Variants in PKNOX2 observed in about 807,000 individuals in gnomAD.
PKNOX2 encodes the protein PBX/knotted 1 homeobox 2.
A neutral mutation model predicts 53.1 loss-of-function variants in PKNOX2; 14 were observed. The observed-to-expected ratio is 0.26, with a 90% CI of 0.17 to 0.41. PKNOX2 has a LOEUF of 0.41. PKNOX2 is among the 10% of genes least tolerant of loss of function. PKNOX2 has a pLI of 1.00. For synonymous variants in PKNOX2, 257 were observed against 242.8 expected, an observed-to-expected ratio of 1.06 and a Z score of -0.54; for missense variants, 496 against 602.8, an observed-to-expected ratio of 0.82 and a Z score of 1.85.
At chr11:125,400,168 G>A (rs149344330) in intron 7 of PKNOX2, among the ~76,000 whole-genome samples, 5 of 152,244 alleles carry the variant, frequency 3.3e-5, no homozygotes, top group African/African-American at 1.2e-4. Flanking sequence ...TGGTGGGTGT[G>A]GGGGAGGGGG....
chr11:125,388,917 G>A (rs987675582), intron 6 of PKNOX2, among the ~76,000 whole-genome samples: 122 of 152,288 alleles, frequency 8.0e-4, no homozygotes, highest in African/African-American at 2.8e-3. Flanking sequence ...AGGGAGGGCC[G>A]GGAACCGTGG....
chr11:125,310,017 CAGA>C (rs1948710307), intron 2 of PKNOX2, among the ~76,000 whole-genome samples: 1 of 152,188 alleles, frequency 6.6e-6, no homozygotes, highest in Non-Finnish European at 1.5e-5. Flanking sequence ...TCATCCTACC[CAGA>C]AGGATATCAT....
At chr11:125,189,439 GTGTGTGTGTA>G (rs1565465113) in intron 1 of PKNOX2, among the ~76,000 whole-genome samples, 34 of 56,754 alleles carry the variant, frequency 6.0e-4, no homozygotes, top group East Asian at 2.2e-3. Flanking sequence ...GTGTGTGTGT[GTGTGTGTGTA>G]TATATATATA....
intron 4 of PKNOX2, among the ~76,000 whole-genome samples, chr11:125,358,903 A>G (rs1394388671): frequency 2.0e-5 from 3 of 152,244 alleles, no homozygotes; most frequent in African/African-American, 7.2e-5. Context: ...GAGACAGGCA[A>G]AGGGCCTGGT....
chr11:125,232,863 G>T (rs1295557229), intron 1 of PKNOX2, among the ~76,000 whole-genome samples: 1 of 149,784 alleles, frequency 6.7e-6, no homozygotes, highest in Admixed American at 6.6e-5. Flanking sequence ...TCCCATTATG[G>T]TTTTTTGTTT....
intron 2 of PKNOX2, among the ~76,000 whole-genome samples, chr11:125,293,053 T>C (rs1395857680): frequency 6.6e-6 from 1 of 152,116 alleles, no homozygotes; most frequent in African/African-American, 2.4e-5. Flanking sequence ...TGTGCTGCCA[T>C]TTATGTCAAA....
chr11:125,349,921 C>T (rs1235869718), intron 3 of PKNOX2, among the ~76,000 whole-genome samples: 3 of 151,816 alleles, frequency 2.0e-5, no homozygotes, highest in African/African-American at 7.3e-5. Flanking sequence ...CTCCAAAGCA[C>T]TCTCAAATTC....
At chr11:125,205,281 A>C (rs1374616398) in intron 1 of PKNOX2, among the ~76,000 whole-genome samples, 1 of 152,020 alleles carries the variant, frequency 6.6e-6, no homozygotes, top group African/African-American at 2.4e-5. Flanking sequence ...TTGGGTGTGG[A>C]GTCCCTTCCG....
At chr11:125,313,186 A>T (rs1948936660) in intron 2 of PKNOX2, among the ~76,000 whole-genome samples, 1 of 152,202 alleles carries the variant, frequency 6.6e-6, no homozygotes. Context: ...GGGCACCCCC[A>T]GGTTTGTTTC....
At chr11:125,428,893 G>T (rs1328247707) in intron 10 of PKNOX2, 119 bp from the exon 11 acceptor site, 2 of 999,042 alleles carry the variant, frequency 2.0e-6, no homozygotes, top group Non-Finnish European at 3.1e-6. Flanking sequence ...CCCCAATTTT[G>T]GTTCCCAAAC....
At chr11:125,263,633 G>A (rs953414922) in intron 2 of PKNOX2, among the ~76,000 whole-genome samples, 1 of 152,242 alleles carries the variant, frequency 6.6e-6, no homozygotes, top group Admixed American at 6.5e-5. Flanking sequence ...AGCGCGGGAG[G>A]GGGAGAGCTG....
In PKNOX2 at chr11:125,240,119, C is replaced by T. The variant is rs1943031266; in HGVS notation, c.-130+5004C>T. On this transcript the variant is annotated intron_variant, in intron 2 of 12. Coordinates refer to ENST00000298282, the MANE Select transcript of PKNOX2 (RefSeq NM_001382323.2). This position sits in a 1 kb window ranked among gnomAD's most constrained non-coding sequence, Gnocchi z 4.3. Reference sequence around the variant, plus strand: ...AGGCCGATTGATGAGATGCCGAGGTCTGCAGCCCCAACTGGAGGCGCCCCG... The same window carrying T: ...AGGCCGATTGATGAGATGCCGAGGTTTGCAGCCCCAACTGGAGGCGCCCCG... 1.3e-5 allele frequency: 2 copies of T among 152,190 alleles called. No homozygotes were observed. The highest frequency in any genetic ancestry group is 2.4e-5 in the African/African-American group (1 of 41,430). The allele number at this position is 152,190 out of a possible 1,614,324, so 9.4% of individuals were successfully genotyped here. A position where few individuals can be genotyped will look rare whatever the true frequency, so the allele number is the denominator to read the frequency against.
chr11:125,176,164 C>T (rs1042324858), intron 1 of PKNOX2, among the ~76,000 whole-genome samples: 1 of 152,146 alleles, frequency 6.6e-6, no homozygotes, highest in Non-Finnish European at 1.5e-5. Flanking sequence ...ATTGGGGCCT[C>T]CAAAGTGCTC....
chr11:125,305,033 G>C (rs946457723), intron 2 of PKNOX2, among the ~76,000 whole-genome samples: 1 of 152,162 alleles, frequency 6.6e-6, no homozygotes, highest in East Asian at 1.9e-4. Flanking sequence ...CAAGTTCTCC[G>C]AGCTAGTAAG....
At chr11:125,189,809 C>T (rs1180804384) in intron 1 of PKNOX2, among the ~76,000 whole-genome samples, 2 of 152,036 alleles carry the variant, frequency 1.3e-5, no homozygotes, top group Non-Finnish European at 1.5e-5. Flanking sequence ...TGCAGTCCCT[C>T]TTTCCCCTCC....
chr11:125,270,448 G>T (rs1363210675), intron 2 of PKNOX2, among the ~76,000 whole-genome samples: 8 of 152,180 alleles, frequency 5.3e-5, no homozygotes, highest in Non-Finnish European at 2.9e-5. Flanking sequence ...TTGAATTTCA[G>T]CTTTCATGTG....
intron 2 of PKNOX2, among the ~76,000 whole-genome samples, chr11:125,254,902 A>G (rs1944298381): frequency 6.6e-6 from 1 of 152,202 alleles, no homozygotes; most frequent in African/African-American, 2.4e-5. Flanking sequence ...GGTTTAGGGT[A>G]AGAAGTCTTA....
intron 2 of PKNOX2, among the ~76,000 whole-genome samples, chr11:125,303,025 C>T (rs1254406676): frequency 6.6e-6 from 1 of 151,976 alleles, no homozygotes; most frequent in Non-Finnish European, 1.5e-5. Context: ...GGCCAGAAGC[C>T]ACAGTGCCTC....
chr11:125,196,527 T>A (rs189918146), intron 1 of PKNOX2, among the ~76,000 whole-genome samples: 2 of 152,224 alleles, frequency 1.3e-5, no homozygotes, highest in Non-Finnish European at 1.5e-5. Flanking sequence ...AACCAGACTT[T>A]TATGGGACAA....
Sources: gnomAD v4.1 joint callset for allele counts (sites outside exome capture counted in the v4.1 genomes callset) on GRCh38, gnomAD v4.1.1 for gene constraint, Gnocchi (gnomAD v3.1) non-coding constraint, MANE v1.5 for transcripts, NCBI Gene and HGNC (gene_info 2026-07-23, HGNC 2026-07-21) for gene names.